Variants in KIRREL1 observed in about 807,000 individuals in gnomAD.
The protein encoded by KIRREL1 is kin of IRRE-like protein 1.
In KIRREL1, 25 loss-of-function variants were observed where a neutral mutation model predicts 83.3. The observed-to-expected ratio is 0.30, with a 90% CI of 0.22 to 0.42. The LOEUF (loss-of-function observed/expected upper bound fraction) is 0.42, where lower values mean the gene tolerates loss of function less well. Among genes scored for constraint, KIRREL1 ranks in the 10% least tolerant of loss-of-function variants. The probability of loss-of-function intolerance (pLI) is 1.00; values close to 1 mark genes in which losing one functional copy is unlikely to be tolerated. For synonymous variants in KIRREL1, 388 were observed against 410.4 expected, an observed-to-expected ratio of 0.95 and a Z score of 0.66; for missense variants, 812 against 1,032.3, an observed-to-expected ratio of 0.79 and a Z score of 2.92.
rs570812529 is a variant in KIRREL1, at chr1:158,074,894, G to T, written c.53-1219G>T. Among the ~76,000 whole-genome samples, 3 of 152,314 alleles carry T rather than the reference G, an allele frequency of 2.0e-5. No individual in the cohort carries two copies. The South Asian group carries it at 6.2e-4, about 32-fold the overall frequency. On this transcript the variant is annotated intron_variant, in intron 1 of 14. Transcript: ENST00000359209. ...CTGTTAGGAAAAGGTCAGATTTGGG[G>T]ATTGTGGCCTCTGCAGATTCATGAG...
At chr1:158,069,016 A>T (rs1043869724) in intron 1 of KIRREL1, among the ~76,000 whole-genome samples, 2 of 152,046 alleles carry the variant, frequency 1.3e-5, no homozygotes, top group East Asian at 3.9e-4. Flanking sequence ...AAATCCGGGG[A>T]GACAGGGCCT....
chr1:158,050,323 T>C (rs1660878580), intron 1 of KIRREL1, among the ~76,000 whole-genome samples: 1 of 151,958 alleles, frequency 6.6e-6, no homozygotes, highest in African/African-American at 2.4e-5. Flanking sequence ...AATCCAATCC[T>C]CTTATTTCAC....
rs1253026275 is a variant in KIRREL1 at position 157,993,688 on chromosome 1, C to T, written c.12C>T (p.Leu4=). The stretch of plus-strand genomic sequence containing the variant: ...GGCGGGCGGACAGCATGCTGAGCCT[C>T]CTCGTCTGGATCCTCACTCTCTCCG... The part of the protein sequence containing the change: MLS[L]LVWILTLSDT... Residue 4 remains leucine (L), a synonymous_variant, in exon 1 of 15, where the codon CTC becomes CTT. Transcript: ENST00000359209. 28 of 1,492,282 alleles carry T rather than the reference C, an allele frequency of 1.9e-5. No homozygotes were observed. Among genetic ancestry groups the T allele is most frequent in the Non-Finnish European group, 2.2e-5 (25 of 1,119,716 alleles). 92.4% of individuals were successfully genotyped at this position (1,492,282 alleles called of 1,614,324 possible). A position where few individuals can be genotyped will look rare whatever the true frequency, so the allele number is the denominator to read the frequency against.
At chr1:158,052,150 T>C (rs967269753) in intron 1 of KIRREL1, among the ~76,000 whole-genome samples, 8 of 152,268 alleles carry the variant, frequency 5.3e-5, no homozygotes, top group Non-Finnish European at 1.0e-4. Context: ...GGCCCCAACC[T>C]ACCTCCCTTA....
chr1:158,092,409 G>A (rs900587304), intron 11 of KIRREL1, among the ~76,000 whole-genome samples: 10 of 143,516 alleles, frequency 7.0e-5, no homozygotes, highest in African/African-American at 2.6e-4. Context: ...GTGCAGTGGT[G>A]CGATCTTGGC....
chr1:158,067,448 T>C (rs911408046), intron 1 of KIRREL1, among the ~76,000 whole-genome samples: 4 of 152,128 alleles, frequency 2.6e-5, no homozygotes, highest in Non-Finnish European at 4.4e-5. Context: ...GGTACACTAG[T>C]TCCTCCCAGC....
chr1:158,013,049 A>G (rs1286617933), intron 1 of KIRREL1, among the ~76,000 whole-genome samples: 1 of 152,202 alleles, frequency 6.6e-6, no homozygotes, highest in Non-Finnish European at 1.5e-5. Context: ...GCCCCAAGTG[A>G]GAACCACTGA....
At chr1:158,038,267 CA>C (rs548781473) in intron 1 of KIRREL1, among the ~76,000 whole-genome samples, 40 of 152,332 alleles carry the variant, frequency 2.6e-4, no homozygotes, top group Admixed American at 2.5e-3. Flanking sequence ...CTGTGCCCCG[CA>C]CTGCTCTGGT....
intron 1 of KIRREL1, chr1:158,025,546 A>C (rs542997552): frequency 6.6e-6 from 1 of 152,434 alleles, no homozygotes; most frequent in South Asian, 2.1e-4. Flanking sequence ...TCTAGAGAGG[A>C]AGGAAGAAGG....
intron 1 of KIRREL1, among the ~76,000 whole-genome samples, chr1:158,023,398 A>G (rs1660059079): frequency 6.6e-6 from 1 of 152,246 alleles, no homozygotes. Context: ...AACAGAGATG[A>G]ATACAATATG....
chr1:158,067,862 C>T (rs1370733261), intron 1 of KIRREL1, among the ~76,000 whole-genome samples: 4 of 152,200 alleles, frequency 2.6e-5, no homozygotes, highest in Non-Finnish European at 4.4e-5. Context: ...TCCAGCCAGC[C>T]GCTGCAGCTG....
In KIRREL1 at chr1:158,100,089, A is replaced by T. The variant is rs528541105; in HGVS notation, c.*4969A>T. ...AAAAGATATTATTTTTGTTAGGACA[A>T]ACCATTGTAGGTTTTTAGCAATGTG... On this transcript the variant is annotated 3_prime_UTR_variant, in exon 15 of 15. Transcript: ENST00000359209. The T allele has an allele frequency of 5.3e-5, 8 of 152,228 alleles. No individual in the cohort carries two copies. Among genetic ancestry groups the T allele is most frequent in the African/African-American group, 1.7e-4 (7 of 41,552 alleles). 9.4% of individuals were successfully genotyped at this position (152,228 alleles called of 1,614,324 possible).
Position 158,056,819 on chromosome 1 carries a change from G to C in KIRREL1, c.53-19294G>C, listed in dbSNP as rs140011677. Among the ~76,000 whole-genome samples the C allele has an allele frequency of 1.9e-3, 287 of 152,270 alleles. 6 individuals are homozygous for C. In the East Asian group the frequency reaches 0.052, roughly 28 times the overall value. ...GGCAGCCTGGGCTTGGAGCTATGGG[G>C]CTCACTCCTGGGTTTCATTTCTGAA... On this transcript the variant is annotated intron_variant, in intron 1 of 14. Coordinates refer to ENST00000359209, the MANE Select transcript of KIRREL1 (RefSeq NM_018240.7).
At chr1:158,010,352 CA>C (rs1315395388) in intron 1 of KIRREL1, among the ~76,000 whole-genome samples, 12 of 140,724 alleles carry the variant, frequency 8.5e-5, no homozygotes, top group South Asian at 4.4e-4. Flanking sequence ...CACACACACA[CA>C]CACACACACC....
chr1:158,011,923 C>A (rs1340406692), intron 1 of KIRREL1, among the ~76,000 whole-genome samples: 2 of 152,110 alleles, frequency 1.3e-5, no homozygotes, highest in African/African-American at 4.8e-5. Flanking sequence ...GCTCTTCCCC[C>A]TCAATGTTGA....
chr1:158,076,658 G>A (rs1012914779), intron 2 of KIRREL1, among the ~76,000 whole-genome samples: 1 of 152,126 alleles, frequency 6.6e-6, no homozygotes, highest in African/African-American at 2.4e-5. Context: ...TCCCGCAAGT[G>A]TCTCATGCCG....
At chr1:158,049,363 T>C (rs1230664711) in intron 1 of KIRREL1, among the ~76,000 whole-genome samples, 1 of 152,178 alleles carries the variant, frequency 6.6e-6, no homozygotes, top group Non-Finnish European at 1.5e-5. Flanking sequence ...AAGCTGGAAC[T>C]GTGTCTTGAT....
intron 1 of KIRREL1, among the ~76,000 whole-genome samples, chr1:157,998,770 TC>T (rs1458943480): frequency 2.0e-5 from 3 of 152,220 alleles, no homozygotes; most frequent in African/African-American, 7.2e-5. Context: ...CTTTCAACCC[TC>T]CTTCTTAGCC....
At chr1:158,002,884 C>T (rs560837913) in intron 1 of KIRREL1, among the ~76,000 whole-genome samples, 25 of 152,132 alleles carry the variant, frequency 1.6e-4, no homozygotes, top group South Asian at 4.2e-4. Context: ...CCGAGGAATC[C>T]GAAGGAGTGA....
Sources: allele counts gnomAD v4.1 joint callset (sites outside exome capture counted in the v4.1 genomes callset), GRCh38; gene constraint gnomAD v4.1.1; transcripts MANE v1.5; gene names NCBI Gene and HGNC (gene_info 2026-07-23, HGNC 2026-07-21).